The following SNX29 variants were observed in gnomAD, a reference collection of about 807,000 sequenced individuals.
SNX29 encodes the protein sorting nexin-29.
SNX29 carries 78 observed loss-of-function variants against 102.1 expected under a neutral mutation model. The ratio of observed to expected loss-of-function variants is 0.76; its 90% CI spans 0.64 to 0.92. The LOEUF (loss-of-function observed/expected upper bound fraction) is 0.92. Among genes scored for constraint, SNX29 ranks in the 40% least tolerant of loss-of-function variants. SNX29 has a pLI of 0.00. For synonymous variants in SNX29, 580 were observed against 414.5 expected (o/e 1.40, Z -4.85); for missense variants, 1,280 against 1,061.7 (o/e 1.21, Z -2.86).
intron 3 of SNX29, among the ~76,000 whole-genome samples, chr16:12,022,131 A>G (rs1335013912): frequency 7.6e-6 from 1 of 132,086 alleles, no homozygotes; most frequent in Non-Finnish European, 1.6e-5. Flanking sequence ...ATTGAGGTCT[A>G]GTTTATATAC....
At chr16:12,463,363 C>CT (rs1347915916) in intron 18 of SNX29, among the ~76,000 whole-genome samples, 4 of 152,160 alleles carry the variant, frequency 2.6e-5, no homozygotes, top group Non-Finnish European at 4.4e-5. Flanking sequence ...AAAGAAAGAG[C>CT]TTTAATTGGA....
chr16:12,344,717 C>T (rs1264513672), intron 15 of SNX29, among the ~76,000 whole-genome samples: 2 of 152,202 alleles, frequency 1.3e-5, no homozygotes, highest in African/African-American at 4.8e-5. Flanking sequence ...ACTGTATCCT[C>T]CTCTTCCTCT....
chr16:12,463,413 G>A (rs978673293), intron 18 of SNX29, among the ~76,000 whole-genome samples: 11 of 152,340 alleles, frequency 7.2e-5, no homozygotes, highest in Non-Finnish European at 1.5e-4. Flanking sequence ...CACAATCATG[G>A]TTGAAGGCAA....
chr16:12,563,294 C>A (rs79280058), intron 20 of SNX29, among the ~76,000 whole-genome samples: 3 of 152,038 alleles, frequency 2.0e-5, no homozygotes, highest in African/African-American at 7.3e-5. Flanking sequence ...ATCCACAGCT[C>A]GGAAAGTCTG....
intron 20 of SNX29, among the ~76,000 whole-genome samples, chr16:12,562,660 G>A (rs2078794127): frequency 6.6e-6 from 1 of 152,152 alleles, no homozygotes; most frequent in Non-Finnish European, 1.5e-5. Flanking sequence ...TTTTATGTCG[G>A]GAAAGTCTAG....
intron 15 of SNX29, among the ~76,000 whole-genome samples, chr16:12,326,647 C>T (rs1596923911): frequency 6.6e-6 from 1 of 152,158 alleles, no homozygotes; most frequent in Non-Finnish European, 1.5e-5. Context: ...CTTGCTGGCC[C>T]CTGTGTGGAG....
At chr16:11,984,374 C>CAA (rs74806501) in intron 1 of SNX29, among the ~76,000 whole-genome samples, 11 of 9,432 alleles carry the variant, frequency 1.2e-3, no homozygotes, top group African/African-American at 2.0e-3. Context: ...GACCCTGTCT[C>CAA]AAAAAAAAAA....
chr16:11,982,586 C>T (rs1354292868), intron 1 of SNX29, among the ~76,000 whole-genome samples: 2 of 151,982 alleles, frequency 1.3e-5, no homozygotes, highest in Non-Finnish European at 2.9e-5. Flanking sequence ...CTTGCAACCA[C>T]GCCCAGCTAA....
chr16:12,485,188 A>G (rs947403169), intron 19 of SNX29, among the ~76,000 whole-genome samples: 10 of 152,254 alleles, frequency 6.6e-5, no homozygotes, highest in African/African-American at 2.2e-4. Flanking sequence ...CATGAGGCCA[A>G]GCAGGCTTTT....
intron 13 of SNX29, among the ~76,000 whole-genome samples, chr16:12,170,059 T>C (rs555588374): frequency 3.9e-5 from 6 of 152,258 alleles, no homozygotes; most frequent in African/African-American, 1.4e-4. Flanking sequence ...TAATCCTTTG[T>C]AGTGGGGGCT....
At chr16:12,552,501 A>C (rs983266376) in intron 20 of SNX29, among the ~76,000 whole-genome samples, 3 of 152,212 alleles carry the variant, frequency 2.0e-5, no homozygotes, top group Non-Finnish European at 4.4e-5. Context: ...ATCTTGCTCA[A>C]AAATAGCCTG....
At chr16:12,385,037 G>T (rs1190629394) in intron 16 of SNX29, among the ~76,000 whole-genome samples, 1 of 152,204 alleles carries the variant, frequency 6.6e-6, no homozygotes, top group East Asian at 1.9e-4. Flanking sequence ...GGGCATGGCG[G>T]CGCACGCCTA....
chr16:12,561,255 C>G (rs780428915), intron 20 of SNX29: 1 of 230,066 alleles, frequency 4.3e-6, no homozygotes, highest in Admixed American at 5.7e-5. Flanking sequence ...CCCTCCCACT[C>G]CACAGATCCA....
In SNX29 at chr16:12,539,163, C is replaced by T. The variant is rs1022972645; in HGVS notation, c.2318+14322C>T. On this transcript the variant is annotated intron_variant, in intron 20 of 20. Transcript: ENST00000566228. ...AGTGCAATTGACTTTTGCTCTTGTT[C>T]ATGTCTGTGAATTTAAACACATGCA... Among the ~76,000 whole-genome samples, 14 of 152,244 alleles carry T rather than the reference C, an allele frequency of 9.2e-5. No individual in the cohort carries two copies. The East Asian group carries it at 1.3e-3, about 15-fold the overall frequency.
intron 18 of SNX29, chr16:12,443,196 G>T (rs2085889087): frequency 1.1e-5 from 4 of 359,392 alleles, no homozygotes; most frequent in South Asian, 2.1e-5. Flanking sequence ...AAGCTGCTCA[G>T]TAGATCCTGC....
intron 18 of SNX29, among the ~76,000 whole-genome samples, chr16:12,468,997 G>A (rs377091303): frequency 6.6e-6 from 1 of 152,226 alleles, no homozygotes; most frequent in Non-Finnish European, 1.5e-5. Context: ...CGTAATCTGT[G>A]CACCTCAGTT....
chr16:12,528,909 C>G (rs935060882), intron 20 of SNX29, among the ~76,000 whole-genome samples: 2 of 152,202 alleles, frequency 1.3e-5, no homozygotes, highest in African/African-American at 4.8e-5. Context: ...GTAGAAATTG[C>G]TTGTGTTTTT....
intron 11 of SNX29, among the ~76,000 whole-genome samples, chr16:12,107,914 T>G (rs1359250970): frequency 6.6e-6 from 1 of 152,122 alleles, no homozygotes; most frequent in Non-Finnish European, 1.5e-5. Flanking sequence ...TAGGTACTGT[T>G]GAAGCTATGA....
intron 16 of SNX29, among the ~76,000 whole-genome samples, chr16:12,376,392 T>G (rs2082875192): frequency 6.6e-6 from 1 of 152,202 alleles, no homozygotes; most frequent in Admixed American, 6.5e-5. Context: ...CCAAAATTAC[T>G]GCTTCCCTGT....
Sources: allele counts gnomAD v4.1 joint callset (sites outside exome capture counted in the v4.1 genomes callset), GRCh38; gene constraint gnomAD v4.1.1; transcripts MANE v1.5; gene names NCBI Gene and HGNC (gene_info 2026-07-23, HGNC 2026-07-21).